LMO7: variants seen among roughly 807,000 people sequenced by gnomAD.
The protein encoded by LMO7 is LIM domain only protein 7.
In LMO7, 120 loss-of-function variants were observed where a neutral mutation model predicts 206.5. The observed-to-expected ratio is 0.58, with a 90% CI of 0.50 to 0.68. The LOEUF (loss-of-function observed/expected upper bound fraction) is 0.68, where lower values mean the gene tolerates loss of function less well. Ranked by LOEUF, LMO7 falls within the 30% of genes least tolerant of loss-of-function variation. The probability of loss-of-function intolerance (pLI) is 0.00; values close to 1 mark genes in which losing one functional copy is unlikely to be tolerated. For missense variants in LMO7, 1,959 were observed against 1,957.9 expected (o/e 1.00, Z -0.01); for synonymous variants, 706 against 681.5 (o/e 1.04, Z -0.56).
At chr13:75,743,829 T>C (rs1296657044) in intron 3 of LMO7, among the ~76,000 whole-genome samples, 1 of 152,064 alleles carries the variant, frequency 6.6e-6, no homozygotes, top group Admixed American at 6.6e-5. Context: ...CATACCTGCA[T>C]GTGCACAGGT....
chr13:75,628,826 A>G (rs2034538533), intron 2 of LMO7, among the ~76,000 whole-genome samples: 1 of 152,134 alleles, frequency 6.6e-6, no homozygotes, highest in African/African-American at 2.4e-5. Flanking sequence ...TTCCTTTACA[A>G]CACAGAGTAG....
chr13:75,841,139 AG>A lies in LMO7; in HGVS notation c.3616del (p.Glu1206LysfsTer22). 1.2e-6 allele frequency: 2 copies of A among 1,613,108 alleles called. No individual in the cohort carries two copies. Among genetic ancestry groups the A allele is most frequent in the Non-Finnish European group, 1.7e-6 (2 of 1,179,134 alleles). On this transcript the variant is annotated frameshift_variant, in exon 23 of 31. Transcript: ENST00000377534. LOFTEE classifies it high-confidence loss of function. ...ATATCAACGTGAGCAGGAGAAACTG[AG>A]GGAAGAGTGGCAAAGGGCCAAACAG... ...EKYQREQEKL[R>X]EEWQRAKQEA... is the part of the protein sequence containing the mutation.
At chr13:75,820,171 GC>G (rs2057432226) in intron 13 of LMO7, among the ~76,000 whole-genome samples, 1 of 152,126 alleles carries the variant, frequency 6.6e-6, no homozygotes, top group Non-Finnish European at 1.5e-5. Context: ...ATGAAACAAA[GC>G]CACTTTCTGC....
At chr13:75,784,810 A>G (rs1355173490) in intron 4 of LMO7, among the ~76,000 whole-genome samples, 8 of 152,114 alleles carry the variant, frequency 5.3e-5, no homozygotes, top group East Asian at 3.8e-4. Flanking sequence ...AGATTTTTCT[A>G]TTTAATCTTG....
chr13:75,634,705 T>C (rs537129984), upstream of LMO7, among the ~76,000 whole-genome samples: 63 of 151,758 alleles, frequency 4.2e-4, no homozygotes, highest in Admixed American at 2.8e-3. Context: ...ATTGCACCAC[T>C]GCACTCCAGC....
chr13:75,813,126 G>A (rs1317752479), intron 11 of LMO7, among the ~76,000 whole-genome samples: 3 of 152,216 alleles, frequency 2.0e-5, no homozygotes, highest in East Asian at 1.9e-4. Context: ...CTGGCACACA[G>A]TAAGCACTCA....
At chr13:75,732,009 G>A (rs904109349) in intron 3 of LMO7, among the ~76,000 whole-genome samples, 1 of 151,942 alleles carries the variant, frequency 6.6e-6, no homozygotes, top group South Asian at 2.1e-4. Flanking sequence ...TAGTCTGATG[G>A]GTTTCCCTTT....
chr13:75,780,573 T>A (rs2051176491), intron 4 of LMO7, among the ~76,000 whole-genome samples: 1 of 152,162 alleles, frequency 6.6e-6, no homozygotes, highest in Admixed American at 6.6e-5. Context: ...TGCTCTACAA[T>A]TTGTGCAGAT....
chr13:75,833,743 A>T (rs372782836), intron 16 of LMO7, among the ~76,000 whole-genome samples: 37 of 152,254 alleles, frequency 2.4e-4, no homozygotes, highest in African/African-American at 7.2e-4. Context: ...TATTTTAGCT[A>T]TATAAAATTG....
intron 3 of LMO7, among the ~76,000 whole-genome samples, chr13:75,755,017 A>G (rs1396738551): frequency 6.6e-6 from 1 of 152,228 alleles, no homozygotes; most frequent in African/African-American, 2.4e-5. Context: ...GAGAATAAGA[A>G]TGAGCACTGC....
chr13:75,816,309 A>G (rs944242652), intron 11 of LMO7, among the ~76,000 whole-genome samples: 6 of 152,190 alleles, frequency 3.9e-5, no homozygotes, highest in East Asian at 1.9e-4. Context: ...AAGAGCTTCA[A>G]AGGCTCTTGC....
exon 1 of LMO7, chr13:75,620,502 C>T: frequency 6.6e-6 from 1 of 152,168 alleles, no homozygotes; most frequent in East Asian, 1.9e-4. Flanking sequence ...CATTAATGAG[C>T]ATATGAGATT....
intron 9 of LMO7, among the ~76,000 whole-genome samples, 178 bp from the exon 10 acceptor site, chr13:75,807,302 T>G (rs1303462114): frequency 6.6e-6 from 1 of 152,116 alleles, no homozygotes; most frequent in African/African-American, 2.4e-5. Flanking sequence ...TCATGGGTGT[T>G]GGATTAAATG....
At chr13:75,726,162 T>C (rs1275199183) in intron 2 of LMO7, among the ~76,000 whole-genome samples, 5 of 152,068 alleles carry the variant, frequency 3.3e-5, no homozygotes, top group Admixed American at 3.3e-4. Context: ...TCTCTGACAG[T>C]GATTAATGAT....
intron 1 of LMO7, among the ~76,000 whole-genome samples, chr13:75,681,132 G>T (rs559856313): frequency 6.6e-6 from 1 of 152,052 alleles, no homozygotes; most frequent in African/African-American, 2.4e-5. Context: ...TCTGATGATA[G>T]CTTCTTTTGC....
intron 1 of LMO7, among the ~76,000 whole-genome samples, chr13:75,641,594 A>G (rs2139013524): frequency 6.6e-6 from 1 of 152,244 alleles, no homozygotes; most frequent in African/African-American, 2.4e-5. Context: ...TTCTCAAGGT[A>G]GGTTTGAATG....
chr13:75,641,132 C>CAGGT (rs2036491787), intron 1 of LMO7, among the ~76,000 whole-genome samples: 1 of 152,198 alleles, frequency 6.6e-6, no homozygotes, highest in African/African-American at 2.4e-5. Flanking sequence ...GCAGTGCCAT[C>CAGGT]AGGTACTGAA....
chr13:75,807,144 CAAAA>C (rs1225561747), intron 9 of LMO7: 1 of 218,370 alleles, frequency 4.6e-6, no homozygotes, highest in African/African-American at 2.3e-5. Context: ...AACAAACAAA[CAAAA>C]AACAGGGTAC....
At chr13:75,681,707 T>C (rs2040499328) in intron 1 of LMO7, among the ~76,000 whole-genome samples, 1 of 87,496 alleles carries the variant, frequency 1.1e-5, no homozygotes, top group African/African-American at 3.4e-5. Flanking sequence ...TATGTATGTG[T>C]ATATATATAT....
Sources: allele counts gnomAD v4.1 joint callset (sites outside exome capture counted in the v4.1 genomes callset), GRCh38; gene constraint gnomAD v4.1.1; transcripts MANE v1.5; gene names NCBI Gene and HGNC (gene_info 2026-07-23, HGNC 2026-07-21).